DPEP1: variants seen among roughly 807,000 people sequenced by gnomAD.
The protein encoded by DPEP1 is beta-lactamase.
In DPEP1, 50 loss-of-function variants were observed where a neutral mutation model predicts 42.3. The ratio of observed to expected loss-of-function variants is 1.18; its 90% CI spans 0.94 to 1.50. DPEP1 has a LOEUF of 1.50. DPEP1 is among the 40% of genes most tolerant of loss of function. DPEP1 has a pLI of 0.00. For synonymous variants in DPEP1, 297 were observed against 234.0 expected (o/e 1.27, Z -2.46); for missense variants, 663 against 553.0 (o/e 1.20, Z -1.99).
rs2059709854 is a variant in DPEP1 at position 89,638,186 on chromosome 16, C to T, written c.1200C>T (p.Ser400=). The T allele has an allele frequency of 1.3e-6, 2 of 1,594,846 alleles. No homozygotes were observed. The highest frequency in any genetic ancestry group is 1.1e-5 in the South Asian group (1 of 89,076). The part of the protein sequence containing the change: ...LHRHWGLLLA[S]LAPLVLCLSL... ...GCCACTGGGGGCTCCTGCTGGCCTCCCTCGCTCCCCTGGTCCTCTGTCTGT... is the reference window on the plus strand; with the variant it reads ...GCCACTGGGGGCTCCTGCTGGCCTCTCTCGCTCCCCTGGTCCTCTGTCTGT... The change falls in exon 11 of 11, where the codon TCC becomes TCT. Residue 400 remains serine (S), a synonymous_variant. Transcript: ENST00000690203.
At chr16:89,614,249 C>T (rs1043269178) in intron 1 of DPEP1, among the ~76,000 whole-genome samples, 4 of 152,172 alleles carry the variant, frequency 2.6e-5, no homozygotes, top group African/African-American at 4.8e-5. Context: ...CCCACAACCC[C>T]GCTTGTCCAC....
chr16:89,622,980 G>T (rs1489861064), intron 1 of DPEP1, among the ~76,000 whole-genome samples: 1 of 152,160 alleles, frequency 6.6e-6, no homozygotes, highest in South Asian at 2.1e-4. Flanking sequence ...GACGTTGCAG[G>T]CACGATGGGC....
At position 89,614,807 on chromosome 16, in the gene DPEP1, A is replaced by C. The variant is rs565787119; in HGVS notation, c.-107+1088A>C. ...GAGACTCCGTATCCAAAAAAATAAA[A>C]GAAAAATCTTCTCCCCGGGTAGGGT... On this transcript the variant is annotated intron_variant, in intron 1 of 10. Coordinates refer to ENST00000690203, the MANE Select transcript of DPEP1 (RefSeq NM_001389466.1). Among the ~76,000 whole-genome samples the C allele has an allele frequency of 2.0e-5, 3 of 152,268 alleles. No individual in the cohort carries two copies. The South Asian group carries it at 6.2e-4, about 32-fold the overall frequency.
At chr16:89,624,022 G>A (rs370395319) in intron 1 of DPEP1, among the ~76,000 whole-genome samples, 45 of 152,164 alleles carry the variant, frequency 3.0e-4, no homozygotes, top group East Asian at 1.5e-3. Context: ...ACTGTGGTGC[G>A]GTCACCTCCT....
Position 89,638,051 on chromosome 16 carries a change from G to A in DPEP1, c.1066-1G>A. 6.2e-7 allele frequency: 1 copy of A among 1,612,072 alleles called. No individual in the cohort carries two copies. The highest frequency in any genetic ancestry group is 8.5e-7 in the Non-Finnish European group (1 of 1,179,700). On this transcript the variant is annotated splice_acceptor_variant, in intron 10 of 10. Coordinates refer to ENST00000690203, the MANE Select transcript of DPEP1 (RefSeq NM_001389466.1). LOFTEE classifies it high-confidence loss of function. Reference sequence around the variant, plus strand: ...CCCCACCCGTGTCTGTCTGTCCCCAGGCCAGCAACCTCACACAGGCTCCCG... The same window carrying A: ...CCCCACCCGTGTCTGTCTGTCCCCAAGCCAGCAACCTCACACAGGCTCCCG...
At chr16:89,638,576 C>A, downstream of DPEP1, 1 of 884,956 alleles carries the variant, frequency 1.1e-6, no homozygotes, top group Non-Finnish European at 1.4e-6. Context: ...GTGAAAAGGG[C>A]TTTGTAGAGA....
chr16:89,614,761 C>T (rs913680323), intron 1 of DPEP1, among the ~76,000 whole-genome samples: 1 of 152,196 alleles, frequency 6.6e-6, no homozygotes. Flanking sequence ...TGCCACTGCA[C>T]TCCAGCCTGA....
chr16:89,613,386 G>T (rs889654082), upstream of DPEP1: 1 of 152,338 alleles, frequency 6.6e-6, no homozygotes, highest in Non-Finnish European at 1.5e-5. Flanking sequence ...TGCTGGAGAA[G>T]TTTCTAGCCT....
At chr16:89,621,384 A>C (rs1383930460) in intron 1 of DPEP1, among the ~76,000 whole-genome samples, 2 of 151,946 alleles carry the variant, frequency 1.3e-5, no homozygotes, top group Non-Finnish European at 2.9e-5. Context: ...TTGGGGGCAG[A>C]AGTGGGGTGC....
chr16:89,627,749 C>T (rs1188632786), intron 1 of DPEP1, among the ~76,000 whole-genome samples: 1 of 145,786 alleles, frequency 6.9e-6, no homozygotes, highest in African/African-American at 2.6e-5. Context: ...CAACCTCCGC[C>T]TCCCTGGTTC....
intron 2 of DPEP1, among the ~76,000 whole-genome samples, chr16:89,634,275 G>T (rs2059630799): frequency 6.6e-6 from 1 of 151,846 alleles, no homozygotes. Context: ...TTTTAGTAGA[G>T]ACGGGGTTTC....
At position 89,636,022 on chromosome 16, in the gene DPEP1, C is replaced by T. The variant is rs368310414; in HGVS notation, c.219C>T (p.Ala73=). The change falls in exon 3 of 11, where the codon GCC becomes GCT. Residue 73 remains alanine (A), a synonymous_variant. Transcript: ENST00000690203. ...GTHTNIPKLR[A]GFVGGQFWSV... ...ACACCAACATCCCCAAGCTGAGGGCCGGCTTTGTGGGAGGCCAGGTACCGC... is the reference window on the plus strand; with the variant it reads ...ACACCAACATCCCCAAGCTGAGGGCTGGCTTTGTGGGAGGCCAGGTACCGC... 14 of 1,610,300 alleles carry T rather than the reference C, an allele frequency of 8.7e-6. No homozygotes were observed. In the Middle Eastern group the frequency reaches 4.9e-4, roughly 57 times the overall value.
chr16:89,630,225 A>G (rs1000329889), intron 1 of DPEP1, 80 bp from the exon 2 acceptor site: 3 of 465,518 alleles, frequency 6.4e-6, no homozygotes, highest in African/African-American at 2.1e-5. Flanking sequence ...CTGGTTACTT[A>G]TTGAACATGG....
chr16:89,614,749 C>G (rs572068022), intron 1 of DPEP1, among the ~76,000 whole-genome samples: 2 of 152,150 alleles, frequency 1.3e-5, no homozygotes, highest in East Asian at 1.9e-4. Flanking sequence ...GAGCTGAGAT[C>G]GTGCCACTGC....
chr16:89,621,445 G>A (rs1378758481), intron 1 of DPEP1, among the ~76,000 whole-genome samples: 2 of 152,200 alleles, frequency 1.3e-5, no homozygotes, highest in Non-Finnish European at 1.5e-5. Flanking sequence ...CTCCCCCAGT[G>A]CAGACATCAG....
chr16:89,635,934 T>C lies in DPEP1; in HGVS notation c.131T>C (p.Leu44Pro). ...DGHNDLPWQL[L>P]DMFNNRLQDE... ...CACAATGACCTCCCCTGGCAGCTGC[T>C]GGATATGTTCAACAACCGGCTGCAG... The change falls in exon 3 of 11, where the codon CTG (leucine) becomes CCG (proline). Residue 44 changes from leucine to proline, a missense_variant. Leu to Pro is a moderately conservative substitution (Grantham distance 98). Coordinates refer to ENST00000690203, the MANE Select transcript of DPEP1 (RefSeq NM_001389466.1). 1 of 1,610,028 alleles carries C rather than the reference T, an allele frequency of 6.2e-7. No individual in the cohort carries two copies. The highest frequency in any genetic ancestry group is 8.5e-7 in the Non-Finnish European group (1 of 1,178,528).
At chr16:89,636,829 C>A in intron 5 of DPEP1, 37 bp from the exon 6 acceptor site, 1 of 1,610,926 alleles carries the variant, frequency 6.2e-7, no homozygotes, top group Non-Finnish European at 8.5e-7. Flanking sequence ...CCGAGACCAC[C>A]GCTCACCTCT....
chr16:89,637,541 C>G lies in DPEP1; in HGVS notation c.842C>G (p.Ser281Cys), dbSNP rs139832614. ...YISCTNKANL[S>C]QVADHLDHIK... ...TCCTGCACCAACAAGGCCAACCTGT[C>G]CCAAGTGGCCGGTAGGTGGGGTGTG... is the stretch of plus-strand genomic sequence containing the variant. The change falls in exon 8 of 11, where the codon TCC becomes TGC. Residue 281 changes from serine (S) to cysteine (C), a missense_variant. Physicochemically the swap from Ser to Cys is moderately radical, Grantham distance 112. Transcript: ENST00000690203. 4 of 1,612,738 alleles carry G rather than the reference C, an allele frequency of 2.5e-6. No homozygotes were observed. Among genetic ancestry groups the G allele is most frequent in the Non-Finnish European group, 3.4e-6 (4 of 1,179,996 alleles).
intron 1 of DPEP1, among the ~76,000 whole-genome samples, chr16:89,615,004 T>G (rs1177752646): frequency 6.6e-6 from 1 of 152,104 alleles, no homozygotes; most frequent in Non-Finnish European, 1.5e-5. Flanking sequence ...CCTCCACATC[T>G]CTTGGCGAAT....
Sources: allele counts gnomAD v4.1 joint callset (sites outside exome capture counted in the v4.1 genomes callset), GRCh38; gene constraint gnomAD v4.1.1; transcripts MANE v1.5; gene names NCBI Gene and HGNC (gene_info 2026-07-23, HGNC 2026-07-21).